Variants in BCAN observed in about 807,000 individuals in gnomAD.
BCAN encodes brevican.
In BCAN, 51 loss-of-function variants were observed where a neutral mutation model predicts 92.4. That is an observed-to-expected ratio of 0.55 (90% CI 0.44 to 0.70). The LOEUF is 0.70. BCAN is among the 30% of genes least tolerant of loss of function. The pLI is 0.00. For synonymous variants in BCAN, 501 were observed against 505.2 expected (o/e 0.99, Z 0.11); for missense variants, 1,140 against 1,212.1 (o/e 0.94, Z 0.88).
chr1:156,656,186 C>A, intron 8 of BCAN, 96 bp from the exon 9 acceptor site: 2 of 782,720 alleles, frequency 2.6e-6, no homozygotes, highest in South Asian at 3.1e-5. Context: ...ACAGAGAGAC[C>A]AGGGCTGGGG....
At position 156,658,265 on chromosome 1, in the gene BCAN, G is replaced by C. The variant is rs1017833506; in HGVS notation, c.2431G>C (p.Gly811Arg). 4.3e-6 allele frequency: 7 copies of C among 1,613,928 alleles called. No homozygotes were observed. Among genetic ancestry groups the C allele is most frequent in the African/African-American group, 1.3e-5 (1 of 75,036 alleles). ...CCACCTGTCCTACACCTGCAAGATG[G>C]GGCTGGGTGAGGGCAGGCAAAGGAG... Reference protein sequence around the residue: ...NYHLSYTCKMGLVSCGPPPEL... With the variant: ...NYHLSYTCKMRLVSCGPPPEL... The change falls in exon 12 of 14, where the codon GGG becomes CGG. Residue 811 changes from glycine (G) to arginine (R), a missense_variant. Gly to Arg is a moderately radical substitution (Grantham distance 125). Transcript: ENST00000329117. The surrounding 1 kb of genome is among the most constrained non-coding windows in gnomAD (Gnocchi z 4.4).
At chr1:156,657,880 C>A in intron 11 of BCAN, 123 bp downstream of exon 11, 1 of 869,194 alleles carries the variant, frequency 1.2e-6, no homozygotes, top group Non-Finnish European at 1.7e-6. Context: ...CTTTCTCGTG[C>A]CCTGTGCCTC....
Position 156,648,875 on chromosome 1 carries a change from C to G in BCAN, c.1063+14C>G. The stretch of plus-strand genomic sequence containing the variant: ...ACTGCTTCCGAGGTGAGCCCACCTC[C>G]CTGCAGAAGCTGAGACCAATCTCAG... On this transcript the variant is annotated intron_variant, in intron 6 of 13. Coordinates refer to ENST00000329117, the MANE Select transcript of BCAN (RefSeq NM_021948.5). The G allele has an allele frequency of 6.5e-7, 1 of 1,540,592 alleles. No individual in the cohort carries two copies. Among genetic ancestry groups the G allele is most frequent in the Non-Finnish European group, 8.8e-7 (1 of 1,137,788 alleles).
intron 8 of BCAN, chr1:156,653,414 A>C: frequency 1.0e-6 from 1 of 995,430 alleles, no homozygotes; most frequent in South Asian, 4.6e-5. Flanking sequence ...GTATTTTTTG[A>C]CTGTTTCATG....
intron 5 of BCAN, 99 bp from the exon 6 acceptor site, chr1:156,648,469 A>T: frequency 7.8e-7 from 1 of 1,284,252 alleles, no homozygotes; most frequent in Non-Finnish European, 1.1e-6. Context: ...CCTGCCACAG[A>T]TGAGGGAACT....
At chr1:156,643,093 T>C (rs960748323) in intron 1 of BCAN, 58 of 152,198 alleles carry the variant, frequency 3.8e-4, no homozygotes, top group African/African-American at 1.3e-3. Context: ...GACCAAGAGA[T>C]TGGCGTCAAG....
rs1679416235 is a variant in BCAN, at chr1:156,658,498, T to C, written c.2438-45T>C. 2 of 1,584,888 alleles carry C rather than the reference T, an allele frequency of 1.3e-6. No homozygotes were observed. The highest frequency in any genetic ancestry group is 2.7e-5 in the African/African-American group (2 of 74,324). ...TTCCCCATGGAGATTCTGGGAACTG[T>C]CACCCACAGAGCCAGGCTCAGTTCC... On this transcript the variant is annotated intron_variant, in intron 12 of 13. Transcript: ENST00000329117. The surrounding 1 kb of genome is among the most constrained non-coding windows in gnomAD (Gnocchi z 4.4).
At chr1:156,657,955 C>T (rs1332176503) in intron 11 of BCAN, among the ~76,000 whole-genome samples, 172 bp from the exon 12 acceptor site, 1 of 152,006 alleles carries the variant, frequency 6.6e-6, no homozygotes, top group African/African-American at 2.4e-5. Context: ...CATTCTCCCT[C>T]CCCTAAAGTC....
chr1:156,655,738 G>A (rs1193149492), intron 8 of BCAN, among the ~76,000 whole-genome samples: 2 of 152,162 alleles, frequency 1.3e-5, no homozygotes, highest in African/African-American at 2.4e-5. Context: ...GGTCTCAGGA[G>A]CAGTCAAGGG....
Position 156,646,870 on chromosome 1 carries a change from C to T in BCAN, c.161C>T (p.Thr54Ile). 6.2e-7 allele frequency: 1 copy of T among 1,609,578 alleles called. No individual in the cohort carries two copies. Among genetic ancestry groups the T allele is most frequent in the Non-Finnish European group, 8.5e-7 (1 of 1,178,094 alleles). ...PLQGVLGGALTIPCHVHYLRP... is the reference protein window; with the variant it reads ...PLQGVLGGALIIPCHVHYLRP... ...CAGGGCGTGCTCGGCGGCGCCCTCA[C>T]CATCCCTTGCCACGTCCACTACCTG... The change falls in exon 3 of 14, where the codon ACC (threonine) becomes ATC (isoleucine). Residue 54 changes from threonine to isoleucine, a missense_variant. Physicochemically the swap from Thr to Ile is moderately conservative, Grantham distance 89. This residue lies in a region of BCAN where 286 missense variants were observed against 284.1 expected (regional missense o/e 1.01). Transcript: ENST00000329117.
At chr1:156,649,855 C>T (rs1284577393) in intron 6 of BCAN, 1 of 518,524 alleles carries the variant, frequency 1.9e-6, no homozygotes, top group South Asian at 1.4e-5. Flanking sequence ...AATACTGTTA[C>T]AAGAGCTGGA....
In BCAN at chr1:156,658,867, A is replaced by G. The variant is rs879851237; in HGVS notation, c.2628+134A>G. ...CTGCCCCTCTCTGAGGCAAAGGGGA[A>G]GAGGTGGGCTGGAGGCTCTGGGGTT... On this transcript the variant is annotated intron_variant, in intron 13 of 13. Coordinates refer to ENST00000329117, the MANE Select transcript of BCAN (RefSeq NM_021948.5). This position sits in a 1 kb window ranked among gnomAD's most constrained non-coding sequence, Gnocchi z 4.4. 1.7e-4 allele frequency: 246 copies of G among 1,408,436 alleles called. No individual in the cohort carries two copies. In the Middle Eastern group the frequency reaches 2.0e-3, roughly 11 times the overall value. The allele number at this position is 1,408,436 out of a possible 1,614,324, so 87.2% of individuals were successfully genotyped here. A position where few individuals can be genotyped will look rare whatever the true frequency, so the allele number is the denominator to read the frequency against.
In BCAN at chr1:156,647,795, T is replaced by C; in HGVS notation, c.641+113T>C. On this transcript the variant is annotated intron_variant, in intron 4 of 13. Transcript: ENST00000329117. This position sits in a 1 kb window ranked among gnomAD's most constrained non-coding sequence, Gnocchi z 4.8. ...CTGGACATGCAGGGCTTTTTGCCTC[T>C]GGGGGATGAGGCTGGTCTGAGGAGG... The C allele has an allele frequency of 2.6e-6, 4 of 1,540,830 alleles. No homozygotes were observed. In the South Asian group the frequency reaches 4.6e-5, roughly 18 times the overall value.
At position 156,652,129 on chromosome 1, in the gene BCAN, T is replaced by C. The variant is rs556003707; in HGVS notation, c.1298-119T>C. ...CAAGGACCACCTGTCCTCAGGGCGG[T>C]CTCTTCCCTATTCCCCAGGGCTCAC... is the stretch of plus-strand genomic sequence containing the variant. On this transcript the variant is annotated intron_variant, in intron 7 of 13. Transcript: ENST00000329117. 1.6e-4 allele frequency: 223 copies of C among 1,372,032 alleles called. No individual in the cohort carries two copies. In the African/African-American group the frequency reaches 2.9e-3, roughly 18 times the overall value. 85.0% of individuals were successfully genotyped at this position (1,372,032 alleles called of 1,614,324 possible). A position where few individuals can be genotyped will look rare whatever the true frequency, so the allele number is the denominator to read the frequency against.
In BCAN at chr1:156,652,274, C is replaced by T; in HGVS notation, c.1324C>T (p.Pro442Ser). 3 of 1,604,774 alleles carry T rather than the reference C, an allele frequency of 1.9e-6. No homozygotes were observed. The highest frequency in any genetic ancestry group is 2.6e-6 in the Non-Finnish European group (3 of 1,175,822). ...ATTTGAAACACAATCCATGGTACCG[C>T]CCACGGGGTTCTCAGAAGAGGAAGG... ...LEFETQSMVP[P>S]TGFSEEEGKA... The change falls in exon 8 of 14, where the codon CCC (proline) becomes TCC (serine). Residue 442 changes from proline to serine, a missense_variant. This residue lies in a region of BCAN where 825 missense variants were observed against 871.8 expected (regional missense o/e 0.95). Coordinates refer to ENST00000329117, the MANE Select transcript of BCAN (RefSeq NM_021948.5).
chr1:156,647,418 A>G lies in BCAN; in HGVS notation c.467-90A>G. On this transcript the variant is annotated intron_variant, in intron 3 of 13. Coordinates refer to ENST00000329117, the MANE Select transcript of BCAN (RefSeq NM_021948.5). The surrounding 1 kb of genome is among the most constrained non-coding windows in gnomAD (Gnocchi z 4.8). ...GAGTGAGCACAATTGAACTTTATTT[A>G]CCCTTGTGTACAGAGGAGTGACAAG... 7.5e-7 allele frequency: 1 copy of G among 1,333,168 alleles called. No homozygotes were observed. The highest frequency in any genetic ancestry group is 1.5e-5 in the South Asian group (1 of 68,234). The allele number at this position is 1,333,168 out of a possible 1,614,324, so 82.6% of individuals were successfully genotyped here.
Position 156,658,632 on chromosome 1 carries a change from C to T in BCAN, c.2527C>T (p.Arg843Trp), listed in dbSNP as rs753474562. Residue 843 changes from arginine (R) to tryptophan (W), a missense_variant, in exon 13 of 14, where the codon CGG becomes TGG. Arg to Trp is a moderately radical substitution (Grantham distance 101, BLOSUM62 -3). Coordinates refer to ENST00000329117, the MANE Select transcript of BCAN (RefSeq NM_021948.5). The surrounding 1 kb of genome is among the most constrained non-coding windows in gnomAD (Gnocchi z 4.4). ...RYEVDTVLRY[R>W]CREGLAQRNL... Reference sequence around the variant, plus strand: ...TGAGGTGGACACTGTGCTTCGCTACCGGTGCCGGGAAGGACTGGCCCAGCG... The same window carrying T: ...TGAGGTGGACACTGTGCTTCGCTACTGGTGCCGGGAAGGACTGGCCCAGCG... 26 of 1,614,030 alleles carry T rather than the reference C, an allele frequency of 1.6e-5. No individual in the cohort carries two copies. The highest frequency in any genetic ancestry group is 1.1e-4 in the East Asian group (5 of 44,900).
Position 156,648,591 on chromosome 1 carries a change from C to T in BCAN, c.793C>T (p.Pro265Ser). ...LNGELFLGDP[P>S]EKLTLEEARA... ...AGGAGAACTGTTCCTGGGTGACCCT[C>T]CAGAGAAGCTGACATTGGAGGAAGC... The change falls in exon 6 of 14, where the codon CCA becomes TCA. Residue 265 changes from proline to serine, a missense_variant. This residue lies in a region of BCAN where 825 missense variants were observed against 871.8 expected (regional missense o/e 0.95). Transcript: ENST00000329117. 9.4e-6 allele frequency: 15 copies of T among 1,599,782 alleles called. No homozygotes were observed. The highest frequency in any genetic ancestry group is 1.3e-5 in the Non-Finnish European group (15 of 1,168,272).
In BCAN at chr1:156,647,207, AGG is replaced by A; in HGVS notation, c.466+34_466+35del. 9.9e-6 allele frequency: 2 copies of A among 203,000 alleles called. No homozygotes were observed. The highest frequency in any genetic ancestry group is 2.0e-5 in the Non-Finnish European group (2 of 98,824). The allele number at this position is 203,000 out of a possible 1,614,324, so 12.6% of individuals were successfully genotyped here. A position where few individuals can be genotyped will look rare whatever the true frequency, so the allele number is the denominator to read the frequency against. The stretch of plus-strand genomic sequence containing the variant: ...GGGCAGGGAGGTTCCAGAGGGAGGG[AGG>A]GAGGGAGGGAAGGGAGGACTCTTGC... On this transcript the variant is annotated intron_variant, in intron 3 of 13. Transcript: ENST00000329117. The surrounding 1 kb of genome is among the most constrained non-coding windows in gnomAD (Gnocchi z 4.8).
Sources: gnomAD v4.1 joint callset for allele counts (sites outside exome capture counted in the v4.1 genomes callset) on GRCh38, gnomAD v4.1.1 for gene constraint, gnomAD v4.1.1 regional missense constraint, Gnocchi (gnomAD v3.1) non-coding constraint, MANE v1.5 for transcripts, NCBI Gene and HGNC (gene_info 2026-07-23, HGNC 2026-07-21) for gene names.